SIRT4: variants seen among roughly 807,000 people sequenced by gnomAD.
SIRT4 encodes the protein NAD-dependent protein lipoamidase sirtuin-4, mitochondrial.
Under a neutral mutation model 26.1 loss-of-function variants are expected in SIRT4, and 23 were observed. The ratio of observed to expected loss-of-function variants is 0.88; its 90% CI spans 0.63 to 1.25. The LOEUF (loss-of-function observed/expected upper bound fraction) is 1.25. SIRT4 is among the 50% of genes most tolerant of loss of function. The pLI is 0.00. For missense variants in SIRT4, 361 were observed against 405.4 expected, an observed-to-expected ratio of 0.89 and a Z score of 0.94; for synonymous variants, 155 against 158.4, an observed-to-expected ratio of 0.98 and a Z score of 0.16.
In SIRT4 at chr12:120,313,210, C is replaced by A. The variant is rs200727815; in HGVS notation, c.*174C>A. ...TGTGTGGATATTCTTAATTAAAACT[C>A]ATTTTTTTTAAATAAAAAATTGTTC... On this transcript the variant is annotated 3_prime_UTR_variant, in exon 4 of 4. Coordinates refer to ENST00000202967, the MANE Select transcript of SIRT4 (RefSeq NM_012240.3). 1.5e-6 allele frequency: 1 copy of A among 677,760 alleles called. No individual in the cohort carries two copies. Among genetic ancestry groups the A allele is most frequent in the Non-Finnish European group, 2.4e-6 (1 of 413,712 alleles). The allele number at this position is 677,760 out of a possible 1,614,324, so 42.0% of individuals were successfully genotyped here.
chr12:120,296,739 G>A, the SIRT4 span, among the ~76,000 whole-genome samples: 1 of 151,278 alleles, frequency 6.6e-6, no homozygotes, highest in Non-Finnish European at 1.5e-5. Flanking sequence ...CCAGCTCCTG[G>A]GCTCAAGTGA....
chr12:120,292,870 C>G, the SIRT4 span, among the ~76,000 whole-genome samples: 7 of 152,312 alleles, frequency 4.6e-5, no homozygotes, highest in African/African-American at 1.7e-4. Flanking sequence ...CAACACCGCC[C>G]TGCTTTTACC....
chr12:120,292,943 G>C, the SIRT4 span, among the ~76,000 whole-genome samples: 2 of 152,262 alleles, frequency 1.3e-5, no homozygotes, highest in Non-Finnish European at 2.9e-5. Flanking sequence ...ACTAAAACAG[G>C]TAAACTTGCA....
At chr12:120,301,358 CAAA>C (rs1285930537), upstream of SIRT4, among the ~76,000 whole-genome samples, 1 of 88,872 alleles carries the variant, frequency 1.1e-5, no homozygotes, top group Non-Finnish European at 3.1e-5. Flanking sequence ...AACAAACAAA[CAAA>C]CAACAACAAC....
At chr12:120,309,257 A>G (rs1046055589) in intron 2 of SIRT4, among the ~76,000 whole-genome samples, 1 of 152,152 alleles carries the variant, frequency 6.6e-6, no homozygotes, top group Admixed American at 6.6e-5. Flanking sequence ...TCACAAAAGT[A>G]AAGAGAATTG....
At chr12:120,301,277 G>A (rs542973067), upstream of SIRT4, among the ~76,000 whole-genome samples, 4 of 152,134 alleles carry the variant, frequency 2.6e-5, no homozygotes, top group Non-Finnish European at 4.4e-5. Flanking sequence ...CCCGGGAGGC[G>A]GAGGTTGCAG....
chr12:120,297,504 A>G (rs1468312376), upstream of SIRT4, among the ~76,000 whole-genome samples: 2 of 151,550 alleles, frequency 1.3e-5, no homozygotes, highest in African/African-American at 2.4e-5. Flanking sequence ...CAAAAAAAAA[A>G]AGAAATAGAA....
At chr12:120,293,235 G>C in the SIRT4 span, 3 of 152,278 alleles carry the variant, frequency 2.0e-5, no homozygotes, top group Admixed American at 6.5e-5. Flanking sequence ...ACTGCGCAAA[G>C]CTAATTTGTT....
chr12:120,306,214 G>T (rs1045646365), intron 2 of SIRT4, among the ~76,000 whole-genome samples: 2 of 151,984 alleles, frequency 1.3e-5, no homozygotes, highest in Admixed American at 1.3e-4. Context: ...GGTGGCTCGC[G>T]CCTGTAATCC....
chr12:120,312,510 T>A lies in SIRT4; in HGVS notation c.552T>A (p.Arg184=). 1 of 1,614,028 alleles carries A rather than the reference T, an allele frequency of 6.2e-7. No individual in the cohort carries two copies. The highest frequency in any genetic ancestry group is 8.5e-7 in the Non-Finnish European group (1 of 1,180,002). The change falls in exon 3 of 4, where the codon CGT becomes CGA. Residue 184 remains arginine, a synonymous_variant. Transcript: ENST00000202967. The part of the protein sequence containing the change: ...EQTPRGVLQE[R]FQVLNPTWSA... ...CTCCCCGGGGGGTGCTGCAAGAGCG[T>A]TTCCAAGTCCTGAACCCCACCTGGA...
chr12:120,303,522 A>AAC (rs1872619393), intron 1 of SIRT4, 39 bp from the exon 2 acceptor site: 2 of 1,540,490 alleles, frequency 1.3e-6, no homozygotes, highest in Admixed American at 4.5e-5. Flanking sequence ...AAAAAAAAAA[A>AAC]CCACCCCAGT....
chr12:120,293,024 T>TCCCAAACCA, the SIRT4 span: 1 of 150,540 alleles, frequency 6.6e-6, no homozygotes, highest in South Asian at 2.1e-4. Flanking sequence ...ACAAGTACTC[T>TCCCAAACCA]TCAACCTCCC....
At chr12:120,302,639 A>C (rs1872587048) in intron 1 of SIRT4, among the ~76,000 whole-genome samples, 1 of 151,922 alleles carries the variant, frequency 6.6e-6, no homozygotes, top group Non-Finnish European at 1.5e-5. Flanking sequence ...ACATAAAATA[A>C]TGTTTACATA....
intron 2 of SIRT4, among the ~76,000 whole-genome samples, chr12:120,309,714 C>CTTTTTTT: frequency 9.0e-6 from 1 of 111,120 alleles, no homozygotes; most frequent in Non-Finnish European, 1.9e-5. Context: ...TGCCCGCTTT[C>CTTTTTTT]TTTTTTTTTT....
upstream of SIRT4, among the ~76,000 whole-genome samples, chr12:120,301,951 G>T (rs907739848): frequency 1.3e-5 from 2 of 151,256 alleles, no homozygotes; most frequent in African/African-American, 4.9e-5. Flanking sequence ...GGGAGGCTGA[G>T]GCAGGAGAAT....
chr12:120,313,152 C>T lies in SIRT4; in HGVS notation c.*116C>T. ...TTCCCATTCAACAGAGTAGGGTGCA[C>T]TGACAAAGTATAGAAGGTTCTAGGT... is the stretch of plus-strand genomic sequence containing the variant. On this transcript the variant is annotated 3_prime_UTR_variant, in exon 4 of 4. Transcript: ENST00000202967. 2.6e-6 allele frequency: 3 copies of T among 1,166,192 alleles called. No individual in the cohort carries two copies. The highest frequency in any genetic ancestry group is 1.4e-5 in the South Asian group (1 of 72,696). 72.2% of individuals were successfully genotyped at this position (1,166,192 alleles called of 1,614,324 possible). A position where few individuals can be genotyped will look rare whatever the true frequency, so the allele number is the denominator to read the frequency against.
chr12:120,300,927 G>T (rs77482978), upstream of SIRT4, among the ~76,000 whole-genome samples: 1,233 of 152,210 alleles, frequency 8.1e-3, 17 homozygotes, highest in African/African-American at 0.027. Context: ...AGAATCCCTG[G>T]GAGTGAGACG....
chr12:120,292,919 C>T, the SIRT4 span, among the ~76,000 whole-genome samples: 3 of 152,298 alleles, frequency 2.0e-5, no homozygotes, highest in African/African-American at 7.2e-5. Flanking sequence ...CTCCAACTTT[C>T]ATAAACGCAA....
chr12:120,293,029 C>A, the SIRT4 span: 1 of 150,416 alleles, frequency 6.6e-6, no homozygotes, highest in South Asian at 2.1e-4. Flanking sequence ...TACTCTTCAA[C>A]CTCCCAAAAC....
Sources: gnomAD v4.1 joint callset for allele counts (sites outside exome capture counted in the v4.1 genomes callset) on GRCh38, gnomAD v4.1.1 for gene constraint, MANE v1.5 for transcripts, NCBI Gene and HGNC (gene_info 2026-07-23, HGNC 2026-07-21) for gene names.